The following LMNTD1 variants were observed in gnomAD, a reference collection of about 807,000 sequenced individuals.
The protein encoded by LMNTD1 is lamin tail domain-containing protein 1.
Under a neutral mutation model 50.9 loss-of-function variants are expected in LMNTD1, and 35 were observed. That is an observed-to-expected ratio of 0.69 (90% CI 0.53 to 0.91). The LOEUF is 0.91. Among genes scored for constraint, LMNTD1 ranks in the 40% least tolerant of loss-of-function variants. LMNTD1 has a pLI of 0.00. For missense variants in LMNTD1, 470 were observed against 475.5 expected, an observed-to-expected ratio of 0.99 and a Z score of 0.11; for synonymous variants, 153 against 161.9, an observed-to-expected ratio of 0.94 and a Z score of 0.42.
At chr12:25,546,014 C>T (rs1350751903) in intron 4 of LMNTD1, among the ~76,000 whole-genome samples, 2 of 151,582 alleles carry the variant, frequency 1.3e-5, no homozygotes, top group Non-Finnish European at 3.0e-5. Flanking sequence ...AAAAATTTAT[C>T]TTTCTCCTTC....
At chr12:25,565,522 CTATTTA>C (rs1373951776) in intron 1 of LMNTD1, among the ~76,000 whole-genome samples, 2 of 152,214 alleles carry the variant, frequency 1.3e-5, no homozygotes, top group East Asian at 1.9e-4. Context: ...TTTGTTGTTT[CTATTTA>C]TATCTTATTG....
chr12:25,478,554 G>A (rs1337270892), intron 9 of LMNTD1, among the ~76,000 whole-genome samples: 1 of 152,188 alleles, frequency 6.6e-6, no homozygotes, highest in Non-Finnish European at 1.5e-5. Flanking sequence ...GGAAGCCGAG[G>A]TGGGCGAATC....
At chr12:25,633,302 A>C (rs1380202135) in intron 1 of LMNTD1, among the ~76,000 whole-genome samples, 2 of 152,306 alleles carry the variant, frequency 1.3e-5, no homozygotes, top group East Asian at 3.9e-4. Context: ...CAATGGATTT[A>C]AACTGTATCT....
At chr12:25,511,412 G>C (rs1237889983) in intron 8 of LMNTD1, among the ~76,000 whole-genome samples, 1 of 152,130 alleles carries the variant, frequency 6.6e-6, no homozygotes, top group East Asian at 1.9e-4. Context: ...AGGAAAATCA[G>C]TGGAATGACA....
At chr12:25,632,044 AAAG>A (rs1199147276) in intron 1 of LMNTD1, among the ~76,000 whole-genome samples, 1 of 152,194 alleles carries the variant, frequency 6.6e-6, no homozygotes, top group Non-Finnish European at 1.5e-5. Flanking sequence ...CAAGTAAAAG[AAAG>A]AAATTCAGAG....
intron 9 of LMNTD1, among the ~76,000 whole-genome samples, chr12:25,498,634 A>C (rs970283584): frequency 6.6e-6 from 1 of 152,184 alleles, no homozygotes; most frequent in African/African-American, 2.4e-5. Context: ...GAACAAAATA[A>C]AGACTGTGCT....
rs113651142 is a variant in LMNTD1 at position 25,582,803 on chromosome 12, A to G, written c.59-36249T>C. Among the ~76,000 whole-genome samples the G allele has an allele frequency of 3.4e-3, 525 of 152,312 alleles. 5 individuals are homozygous for G. Among genetic ancestry groups the G allele is most frequent in the African/African-American group, 0.012 (514 of 41,572 alleles). On this transcript the variant is annotated intron_variant, in intron 1 of 7. Coordinates refer to the LMNTD1 transcript ENST00000445693. ...TAACTACGAAATGCACACCAAACCT[A>G]TACCTGAAAACTTTTGTCACCTAAT...
chr12:25,558,344 T>C (rs531942701), intron 1 of LMNTD1, among the ~76,000 whole-genome samples: 2 of 152,214 alleles, frequency 1.3e-5, no homozygotes, highest in Non-Finnish European at 2.9e-5. Flanking sequence ...TTTTTCTAGT[T>C]CTTCAGATGC....
At chr12:25,549,587 G>T in intron 2 of LMNTD1, 41 bp from the exon 3 acceptor site, 1 of 1,168,084 alleles carries the variant, frequency 8.6e-7, no homozygotes, top group South Asian at 1.8e-5. Context: ...AAATAAGAAA[G>T]TAAAAGTGGC....
Position 25,572,981 on chromosome 12 carries a change from T to C in LMNTD1, c.59-26427A>G, listed in dbSNP as rs1944857526. On this transcript the variant is annotated intron_variant, in intron 1 of 7. Transcript: ENST00000445693. ...CTCCTAGTAGATCCATCTAATGACTTTAATCCTCAGTCTCCTTCTGCAGCA... is the reference window on the plus strand; with the variant it reads ...CTCCTAGTAGATCCATCTAATGACTCTAATCCTCAGTCTCCTTCTGCAGCA... Among the ~76,000 whole-genome samples, 4 of 152,258 alleles carry C rather than the reference T, an allele frequency of 2.6e-5. No homozygotes were observed. In the South Asian group the frequency reaches 8.3e-4, roughly 32 times the overall value.
In LMNTD1 at chr12:25,640,696, T is replaced by A. The variant is rs140423273; in HGVS notation, c.58+7798A>T. ...TTTTTTTTGAGACGGAGTCTCGCTC[T>A]GTCGCCCAGGCCCTGGAGTATAGTG... On this transcript the variant is annotated intron_variant, in intron 1 of 7. Coordinates refer to the LMNTD1 transcript ENST00000445693. 7.1e-3 allele frequency among the ~76,000 whole-genome samples: 1,084 copies of A among 152,116 alleles called. 8 individuals are homozygous for A. The highest frequency in any genetic ancestry group is 0.011 in the Non-Finnish European group (770 of 67,984).
upstream of LMNTD1, among the ~76,000 whole-genome samples, chr12:25,553,546 CT>C (rs200812611): frequency 0.019 from 2,953 of 152,034 alleles, 113 homozygotes; most frequent in African/African-American, 0.067. Context: ...CTCTTTTCTT[CT>C]TTTTTTTCTT....
intron 2 of LMNTD1, among the ~76,000 whole-genome samples, chr12:25,551,412 C>T (rs999875263): frequency 1.3e-5 from 2 of 150,534 alleles, no homozygotes. Context: ...TTTTATGAGA[C>T]AGGGTCTCTC....
intron 1 of LMNTD1, among the ~76,000 whole-genome samples, chr12:25,574,232 G>A (rs1378275565): frequency 6.6e-6 from 1 of 152,002 alleles, no homozygotes; most frequent in African/African-American, 2.4e-5. Context: ...ACTCCCATCT[G>A]TTCCTCCATT....
chr12:25,526,685 G>C, intron 5 of LMNTD1, 84 bp downstream of exon 5: 1 of 900,446 alleles, frequency 1.1e-6, no homozygotes, highest in Non-Finnish European at 1.7e-6. Context: ...GTGATAACGA[G>C]ACAGTGCTGA....
intron 1 of LMNTD1, among the ~76,000 whole-genome samples, chr12:25,590,442 G>C (rs536251925): frequency 6.6e-6 from 1 of 152,136 alleles, no homozygotes; most frequent in Non-Finnish European, 1.5e-5. Context: ...AGTGCTCTGG[G>C]GCCCTTAATA....
chr12:25,621,770 T>G (rs1323073579), intron 1 of LMNTD1, among the ~76,000 whole-genome samples: 1 of 152,182 alleles, frequency 6.6e-6, no homozygotes, highest in African/African-American at 2.4e-5. Context: ...TCAAGAAGAT[T>G]ACACTCTTGA....
chr12:25,598,370 C>T lies in LMNTD1; in HGVS notation c.58+50124G>A, dbSNP rs574224224. On this transcript the variant is annotated intron_variant, in intron 1 of 7. Transcript: ENST00000445693. ...ATAGCAAAAGCAGTACTAAGAGGGA[C>T]CTTTTTAGCTATAAATGCCTACATC... Among the ~76,000 whole-genome samples, 6 of 151,710 alleles carry T rather than the reference C, an allele frequency of 4.0e-5. No individual in the cohort carries two copies. The South Asian group carries it at 1.0e-3, about 26-fold the overall frequency.
intron 1 of LMNTD1, among the ~76,000 whole-genome samples, chr12:25,577,544 A>G (rs1020277875): frequency 6.6e-6 from 1 of 152,096 alleles, no homozygotes; most frequent in African/African-American, 2.4e-5. Flanking sequence ...GTACCCTGAG[A>G]CTTTGCTGAA....
Sources: gnomAD v4.1 joint callset for allele counts (sites outside exome capture counted in the v4.1 genomes callset) on GRCh38, gnomAD v4.1.1 for gene constraint, MANE v1.5 for transcripts, NCBI Gene and HGNC (gene_info 2026-07-23, HGNC 2026-07-21) for gene names.